The following ELMO3 variants were observed in gnomAD, a reference collection of about 807,000 sequenced individuals.
ELMO3 encodes the protein engulfment and cell motility 3, also known as engulfment and cell motility protein 3.
ELMO3 carries 81 observed loss-of-function variants against 89.0 expected under a neutral mutation model. The observed-to-expected ratio is 0.91, with a 90% CI of 0.76 to 1.09. ELMO3 has a LOEUF of 1.09. ELMO3 is among the 50% of genes least tolerant of loss of function. The pLI is 0.00. For synonymous variants in ELMO3, 406 were observed against 400.6 expected, an observed-to-expected ratio of 1.01 and a Z score of -0.16; for missense variants, 959 against 972.8, an observed-to-expected ratio of 0.99 and a Z score of 0.19.
rs370571157 is a variant in ELMO3, at chr16:67,200,482, G to A, written c.445G>A (p.Ala149Thr). The change falls in exon 6 of 20, where the codon GCC becomes ACC. Residue 149 changes from alanine to threonine, a missense_variant. Transcript: ENST00000393997. ...AGAGGTGCTGGCCCTCAGCCTGAGG[G>A]CCTTCTCAGAGCTCATGGAGCACGG... ...LGEVLALSLR[A>T]FSELMEHGVV... The A allele has an allele frequency of 5.0e-5, 81 of 1,613,416 alleles. No individual in the cohort carries two copies. Among genetic ancestry groups the A allele is most frequent in the Admixed American group, 1.2e-4 (7 of 60,002 alleles).
Position 67,203,068 on chromosome 16 carries a change from T to G in ELMO3, c.1676-51T>G, listed in dbSNP as rs757650301. On this transcript the variant is annotated intron_variant, in intron 16 of 19. Transcript: ENST00000393997. The surrounding 1 kb of genome is among the most constrained non-coding windows in gnomAD (Gnocchi z 4.6). ...AGAGGGCAGGCAGAGGGCGGCTGGC[T>G]TGGTGTCAGGACCTCTCAGCACTCT... 1.3e-6 allele frequency: 2 copies of G among 1,595,990 alleles called. No homozygotes were observed.
At position 67,200,476 on chromosome 16, in the gene ELMO3, C is replaced by G. The variant is rs761708248; in HGVS notation, c.439C>G (p.Leu147Val). ...CCTAGGAGAGGTGCTGGCCCTCAGC[C>G]TGAGGGCCTTCTCAGAGCTCATGGA... is the stretch of plus-strand genomic sequence containing the variant. ...DDLGEVLALS[L>V]RAFSELMEHG... The change falls in exon 6 of 20, where the codon CTG (leucine) becomes GTG (valine). Residue 147 changes from leucine (L) to valine (V), a missense_variant. Transcript: ENST00000393997. The G allele has an allele frequency of 1.4e-5, 23 of 1,613,376 alleles. No homozygotes were observed. Among genetic ancestry groups the G allele is most frequent in the Non-Finnish European group, 1.8e-5 (21 of 1,179,782 alleles).
In ELMO3 at chr16:67,203,586, G is replaced by A; in HGVS notation, c.1950+3G>A. On this transcript the variant is annotated splice_donor_region_variant and intron_variant, in intron 19 of 19. Transcript: ENST00000393997. This position sits in a 1 kb window ranked among gnomAD's most constrained non-coding sequence, Gnocchi z 4.6. ...TCATTGCCCCCTCCAAGCGGGAGGT[G>A]AGTGTCCGCCAGGCTGAGGTCGGCA... 1 of 1,614,082 alleles carries A rather than the reference G, an allele frequency of 6.2e-7. No individual in the cohort carries two copies. The highest frequency in any genetic ancestry group is 8.5e-7 in the Non-Finnish European group (1 of 1,180,022).
Position 67,199,758 on chromosome 16 carries a change from T to C in ELMO3, c.192+2T>C, listed in dbSNP as rs373740627. On this transcript the variant is annotated splice_donor_variant, in intron 3 of 19. Coordinates refer to ENST00000393997, the MANE Select transcript of ELMO3 (RefSeq NM_024712.5). LOFTEE classifies it high-confidence loss of function. ...CACCGGAGATACATCACCGAGAATG[T>C]GAGTCCCCTCTCCCCAGCCCCAAGC... 1 of 1,610,310 alleles carries C rather than the reference T, an allele frequency of 6.2e-7. No individual in the cohort carries two copies. The highest frequency in any genetic ancestry group is 1.7e-5 in the Admixed American group (1 of 59,794).
In ELMO3 at chr16:67,202,482, G is replaced by C. The variant is rs1279822345; in HGVS notation, c.1347G>C (p.Leu449=). The change falls in exon 14 of 20, where the codon CTG becomes CTC. Residue 449 remains leucine (L), a synonymous_variant. Coordinates refer to ENST00000393997, the MANE Select transcript of ELMO3 (RefSeq NM_024712.5). ...AGCTCTTCTGTGTGGGCATCCAGCT[G>C]TTGAATAAGACCTGGAAGGAGATGC... ...FHELFCVGIQ[L]LNKTWKEMRA... is the part of the protein sequence containing the mutation. 1.2e-6 allele frequency: 2 copies of C among 1,612,958 alleles called. No homozygotes were observed.
Position 67,203,982 on chromosome 16 carries a change from TAA to T in ELMO3, c.*107_*108del. On this transcript the variant is annotated 3_prime_UTR_variant, in exon 20 of 20. Coordinates refer to ENST00000393997, the MANE Select transcript of ELMO3 (RefSeq NM_024712.5). This position sits in a 1 kb window ranked among gnomAD's most constrained non-coding sequence, Gnocchi z 4.6. Reference sequence around the variant, plus strand: ...TGACCAGCAGAGATTGCTGCAGAAATAAAGTCTGCTTGGCTCTTGGGATATGT... The same window carrying T: ...TGACCAGCAGAGATTGCTGCAGAAATAGTCTGCTTGGCTCTTGGGATATGT... 4 of 1,063,528 alleles carry T rather than the reference TAA, an allele frequency of 3.8e-6. No individual in the cohort carries two copies. Among genetic ancestry groups the T allele is most frequent in the Non-Finnish European group, 4.0e-6 (3 of 757,258 alleles). The allele number at this position is 1,063,528 out of a possible 1,614,324, so 65.9% of individuals were successfully genotyped here.
intron 8 of ELMO3, 66 bp downstream of exon 8, chr16:67,201,034 A>G: frequency 2.0e-6 from 3 of 1,505,656 alleles, no homozygotes; most frequent in Non-Finnish European, 2.7e-6. Flanking sequence ...CTGAAGCAAA[A>G]TCCTCTAAGC....
In ELMO3 at chr16:67,199,890, C is replaced by T. The variant is rs889381922; in HGVS notation, c.193-61C>T. The T allele has an allele frequency of 5.0e-6, 8 of 1,612,070 alleles. No homozygotes were observed. In the African/African-American group the frequency reaches 1.1e-4, roughly 22 times the overall value. ...ACCCCCAGCCGCCCTCACCGACACC[C>T]CAGTTGATCAGTCCTCGGAGCCCTC... On this transcript the variant is annotated intron_variant, in intron 3 of 19. Transcript: ENST00000393997.
chr16:67,203,149 A>C lies in ELMO3; in HGVS notation c.1706A>C (p.Asn569Thr). 1.2e-6 allele frequency: 2 copies of C among 1,612,298 alleles called. No individual in the cohort carries two copies. Among genetic ancestry groups the C allele is most frequent in the Non-Finnish European group, 1.7e-6 (2 of 1,179,722 alleles). ...CTGTGGTTCTGCTGCCTGTCCCCCA[A>C]CCACAAGCTGCTGCAGTACGGAGAC... is the stretch of plus-strand genomic sequence containing the variant. The part of the protein sequence containing the change: ...DKLWFCCLSP[N>T]HKLLQYGDME... The change falls in exon 17 of 20, where the codon AAC becomes ACC. Residue 569 changes from asparagine (N) to threonine (T), a missense_variant. Coordinates refer to ENST00000393997, the MANE Select transcript of ELMO3 (RefSeq NM_024712.5). The surrounding 1 kb of genome is among the most constrained non-coding windows in gnomAD (Gnocchi z 4.6).
At chr16:67,202,583 T>C in intron 14 of ELMO3, 44 bp from the exon 15 acceptor site, 2 of 1,612,680 alleles carry the variant, frequency 1.2e-6, no homozygotes, top group Non-Finnish European at 1.7e-6. Context: ...GGGGCTGATC[T>C]GGGTACAGAG....
At position 67,200,020 on chromosome 16, in the gene ELMO3, C is replaced by T. The variant is rs765364695; in HGVS notation, c.243+19C>T. 1.2e-6 allele frequency: 2 copies of T among 1,613,014 alleles called. No homozygotes were observed. Among genetic ancestry groups the T allele is most frequent in the South Asian group, 2.2e-5 (2 of 91,044 alleles). On this transcript the variant is annotated intron_variant, in intron 4 of 19. Transcript: ENST00000393997. ...GGCCCCAGTAATGCCCCTCCCGTCC[C>T]GCCTTCCCCATCCCTGCCCCTTTGC...
Position 67,202,774 on chromosome 16 carries a change from C to T in ELMO3, c.1546C>T (p.Leu516=). Residue 516 remains leucine (L), a synonymous_variant, in exon 15 of 20, where the codon CTG becomes TTG. Coordinates refer to ENST00000393997, the MANE Select transcript of ELMO3 (RefSeq NM_024712.5). The part of the protein sequence containing the change: ...QTERLHQEGT[L]APPILELREK... ...TGAACGGCTGCACCAGGAGGGCACA[C>T]TGGCTCCCCCTATACTGTGAGTCTG... 1 of 1,613,470 alleles carries T rather than the reference C, an allele frequency of 6.2e-7. No homozygotes were observed. Among genetic ancestry groups the T allele is most frequent in the Non-Finnish European group, 8.5e-7 (1 of 1,179,934 alleles).
At position 67,201,849 on chromosome 16, in the gene ELMO3, A is replaced by G. The variant is rs1227295668; in HGVS notation, c.1026A>G (p.Arg342=). The change falls in exon 11 of 20, where the codon CGA becomes CGG. Residue 342 remains arginine, a synonymous_variant. Transcript: ENST00000393997. ...ACCGTCGCCGTTCCCTCTGTGCCCG[A>G]GAGTTCCGCAAACTGGGCTTTTCTG... ...SADRRRSLCA[R]EFRKLGFSNS... 1.9e-6 allele frequency: 3 copies of G among 1,609,764 alleles called. No individual in the cohort carries two copies. In the African/African-American group the frequency reaches 4.0e-5, roughly 22 times the overall value.
intron 4 of ELMO3, 94 bp from the exon 5 acceptor site, chr16:67,200,098 C>T (rs1276077080): frequency 1.0e-5 from 16 of 1,555,292 alleles, no homozygotes; most frequent in African/African-American, 2.7e-5. Context: ...CCCTGCCTTG[C>T]GCCACCTAGT....
chr16:67,201,612 C>T lies in ELMO3; in HGVS notation c.888C>T (p.Arg296=). The stretch of plus-strand genomic sequence containing the variant: ...TCATGCTGGGGCTGCTGGAGCCGCG[C>T]ATGCGGACGCCCCTGGACCCCTACA... ...QALMLGLLEP[R]MRTPLDPYSQ... Residue 296 remains arginine (R), a synonymous_variant, in exon 10 of 20, where the codon CGC becomes CGT. Coordinates refer to ENST00000393997, the MANE Select transcript of ELMO3 (RefSeq NM_024712.5). 1 of 1,613,466 alleles carries T rather than the reference C, an allele frequency of 6.2e-7. No individual in the cohort carries two copies. The highest frequency in any genetic ancestry group is 1.1e-5 in the South Asian group (1 of 91,088).
At position 67,200,640 on chromosome 16, in the gene ELMO3, A is replaced by T. The variant is rs1597279930; in HGVS notation, c.514-17A>T. 1.2e-6 allele frequency: 2 copies of T among 1,608,028 alleles called. No homozygotes were observed. On this transcript the variant is annotated splice_polypyrimidine_tract_variant and intron_variant, in intron 6 of 19. Coordinates refer to ENST00000393997, the MANE Select transcript of ELMO3 (RefSeq NM_024712.5). ...TCTTCCATGGGGGTGAGGTGGTGAC[A>T]CCCCCGCCCCTTACAGGTGGTGTGC...
intron 6 of ELMO3, 32 bp from the exon 7 acceptor site, chr16:67,200,625 G>T: frequency 6.2e-7 from 1 of 1,609,692 alleles, no homozygotes; most frequent in Non-Finnish European, 8.5e-7. Flanking sequence ...TCTTCCATGG[G>T]GGTGAGGTGG....
Position 67,199,259 on chromosome 16 carries a change from C to CCAGGTGCACCCTTGGCCG in ELMO3, c.-58_-41dup. The CCAGGTGCACCCTTGGCCG allele has an allele frequency of 1.9e-6, 3 of 1,611,832 alleles. No homozygotes were observed. Among genetic ancestry groups the CCAGGTGCACCCTTGGCCG allele is most frequent in the East Asian group, 2.2e-5 (1 of 44,864 alleles). ...CCTCCTCGTCCCCAGGGGCCCCAGG[C>CCAGGTGCACCCTTGGCCG]CAGGTGCACCCTTGGCCGCAGGTGC... On this transcript the variant is annotated 5_prime_UTR_variant, in exon 1 of 20. Transcript: ENST00000393997.
chr16:67,200,275 G>A lies in ELMO3; in HGVS notation c.327G>A (p.Pro109=), dbSNP rs1320189507. The part of the protein sequence containing the change: ...GRREALRRLV[P]LASDMIFARE... ...GGGAAGCCCTGAGGCGCCTTGTTCC[G>A]CTGGCCTCGGACATGATCTTTGCCA... Residue 109 remains proline, a synonymous_variant, in exon 5 of 20, where the codon CCG becomes CCA. Coordinates refer to ENST00000393997, the MANE Select transcript of ELMO3 (RefSeq NM_024712.5). 45 of 1,613,672 alleles carry A rather than the reference G, an allele frequency of 2.8e-5. No individual in the cohort carries two copies. The highest frequency in any genetic ancestry group is 3.6e-5 in the Non-Finnish European group (42 of 1,180,044).
Sources: allele counts gnomAD v4.1 joint callset, GRCh38; gene constraint gnomAD v4.1.1; non-coding constraint Gnocchi (gnomAD v3.1); transcripts MANE v1.5; gene names NCBI Gene and HGNC (gene_info 2026-07-23, HGNC 2026-07-21).